The following HGSNAT variants were observed in gnomAD, a reference collection of about 807,000 sequenced individuals.
HGSNAT encodes the protein transmembrane protein 76.
HGSNAT carries 59 observed loss-of-function variants against 85.2 expected under a neutral mutation model. The observed-to-expected ratio is 0.69, with a 90% confidence interval of 0.56 to 0.86. HGSNAT has a LOEUF of 0.86. Among genes scored for constraint, HGSNAT ranks in the 40% least tolerant of loss-of-function variants. The pLI, the probability that HGSNAT is intolerant of heterozygous loss-of-function variation, is 0.00. For missense variants in HGSNAT, 756 were observed against 777.1 expected (o/e 0.97, Z 0.32); for synonymous variants, 321 against 304.5 (o/e 1.05, Z -0.56).
intron 13 of HGSNAT, among the ~76,000 whole-genome samples, chr8:43,193,240 G>A (rs1804601864): frequency 6.6e-6 from 1 of 152,212 alleles, no homozygotes; most frequent in Non-Finnish European, 1.5e-5. Context: ...GGAGGGCTCT[G>A]AGGGTGTGTG....
chr8:43,189,212 G>C (rs1387766290), intron 11 of HGSNAT, among the ~76,000 whole-genome samples: 1 of 152,226 alleles, frequency 6.6e-6, no homozygotes, highest in Non-Finnish European at 1.5e-5. Flanking sequence ...CTTTTATTCA[G>C]CTATGCCCTG....
At chr8:43,181,080 G>A (rs1436078032) in intron 10 of HGSNAT, among the ~76,000 whole-genome samples, 5 of 93,596 alleles carry the variant, frequency 5.3e-5, no homozygotes, top group African/African-American at 2.2e-4. Context: ...GAGGGAGACC[G>A]TGGAGGGAGA....
chr8:43,150,081 C>T (rs1199860629), intron 2 of HGSNAT, among the ~76,000 whole-genome samples: 9 of 152,024 alleles, frequency 5.9e-5, no homozygotes, highest in South Asian at 2.1e-4. Flanking sequence ...CTCAGCCTCC[C>T]GAGTAGTTGG....
chr8:43,146,925 T>TTA, intron 1 of HGSNAT, 23 bp from the exon 2 acceptor site: 4 of 1,301,034 alleles, frequency 3.1e-6, no homozygotes, highest in Non-Finnish European at 4.2e-6. Context: ...TTTTTTTTTT[T>TTA]AACTTTTCCT....
At position 43,158,561 on chromosome 8, in the gene HGSNAT, G is replaced by A; in HGVS notation, c.235-14G>A. On this transcript the variant is annotated splice_polypyrimidine_tract_variant and intron_variant, in intron 2 of 17. Coordinates refer to ENST00000379644, the MANE Select transcript of HGSNAT (RefSeq NM_152419.3). The stretch of plus-strand genomic sequence containing the variant: ...AAACCTCTGGCGGTTGACCTGTTGT[G>A]CTTTTATTTACAGTGCTTGTTTCAG... The A allele has an allele frequency of 6.2e-7, 1 of 1,613,796 alleles. No homozygotes were observed. Among genetic ancestry groups the A allele is most frequent in the Non-Finnish European group, 8.5e-7 (1 of 1,179,794 alleles).
chr8:43,154,795 T>A (rs916670487), intron 2 of HGSNAT, among the ~76,000 whole-genome samples: 1 of 152,238 alleles, frequency 6.6e-6, no homozygotes, highest in East Asian at 1.9e-4. Context: ...TGAACTAGTT[T>A]ACAGTCCTCC....
intron 10 of HGSNAT, chr8:43,180,777 C>T (rs1377380078): frequency 2.9e-4 from 70 of 239,720 alleles, no homozygotes; most frequent in Non-Finnish European, 4.1e-4. Context: ...GCCGAGATCA[C>T]GCCACTGCAC....
intron 2 of HGSNAT, among the ~76,000 whole-genome samples, chr8:43,150,527 G>A (rs915954782): frequency 2.0e-5 from 3 of 150,930 alleles, no homozygotes; most frequent in African/African-American, 7.3e-5. Context: ...AAAAGATATT[G>A]TGAGTATTTA....
At chr8:43,168,559 G>A (rs1832625176) in intron 5 of HGSNAT, among the ~76,000 whole-genome samples, 1 of 151,538 alleles carries the variant, frequency 6.6e-6, no homozygotes, top group South Asian at 2.1e-4. Context: ...ACCACATCTG[G>A]CTAATTTTTG....
At chr8:43,159,135 G>A (rs1803190065) in intron 4 of HGSNAT, 91 bp downstream of exon 4, 10 of 1,342,670 alleles carry the variant, frequency 7.4e-6, no homozygotes, top group South Asian at 3.1e-5. Flanking sequence ...AGTCCATGAC[G>A]CTTTCTGTAG....
At chr8:43,189,768 T>C (rs1804462939) in intron 11 of HGSNAT, among the ~76,000 whole-genome samples, 1 of 152,230 alleles carries the variant, frequency 6.6e-6, no homozygotes, top group Non-Finnish European at 1.5e-5. Flanking sequence ...GCTAATTTTT[T>C]GTATTTTTTA....
In HGSNAT at chr8:43,147,017, T is replaced by C. The variant is rs771267592; in HGVS notation, c.188T>C (p.Leu63Pro). The C allele has an allele frequency of 1.9e-6, 3 of 1,609,748 alleles. No homozygotes were observed. Among genetic ancestry groups the C allele is most frequent in the Middle Eastern group, 1.7e-4 (1 of 6,058 alleles). The change falls in exon 2 of 18, where the codon CTC becomes CCC. Residue 63 changes from leucine to proline, a missense_variant. By Grantham distance (98) the Leu-to-Pro change is moderately conservative. Coordinates refer to ENST00000379644, the MANE Select transcript of HGSNAT (RefSeq NM_152419.3). ...QALLLIHNELLWTNLTVYWKS... is the reference protein window; with the variant it reads ...QALLLIHNELPWTNLTVYWKS... ...TTGCTACTCATCCATAATGAACTTC[T>C]CTGGACCAACTTGACCGTCTACTGG...
At chr8:43,189,763 T>G (rs1465801311) in intron 11 of HGSNAT, among the ~76,000 whole-genome samples, 3 of 152,168 alleles carry the variant, frequency 2.0e-5, no homozygotes, top group Non-Finnish European at 4.4e-5. Context: ...GCCCAGCTAA[T>G]TTTTTGTATT....
At position 43,140,554 on chromosome 8, in the gene HGSNAT, G is replaced by A; in HGVS notation, c.58G>A (p.Ala20Thr). 8.4e-7 allele frequency: 1 copy of A among 1,195,362 alleles called. No individual in the cohort carries two copies. Among genetic ancestry groups the A allele is most frequent in the Non-Finnish European group, 1.0e-6 (1 of 961,082 alleles). 74.0% of individuals were successfully genotyped at this position (1,195,362 alleles called of 1,614,324 possible). Residue 20 changes from alanine (A) to threonine (T), a missense_variant, in exon 1 of 18, where the codon GCC becomes ACC. Transcript: ENST00000379644. ...GCTGCTGGCCGCGTCCGTGCTGAGCGCCGCGCTGCTGGCCCCCGGCGGCTC... is the reference window on the plus strand; with the variant it reads ...GCTGCTGGCCGCGTCCGTGCTGAGCACCGCGCTGCTGGCCCCCGGCGGCTC... ...ALLLAASVLS[A>T]ALLAPGGSSG... is the part of the protein sequence containing the mutation.
intron 1 of HGSNAT, 31 bp downstream of exon 1, chr8:43,140,645 C>G (rs1802486589): frequency 1.8e-6 from 2 of 1,095,702 alleles, no homozygotes; most frequent in Middle Eastern, 3.6e-4. Flanking sequence ...GCCGCCCGGC[C>G]GGCTACGAGC....
chr8:43,182,453 G>C (rs758300486), intron 11 of HGSNAT, 193 bp downstream of exon 11: 6 of 632,456 alleles, frequency 9.5e-6, no homozygotes, highest in South Asian at 6.7e-5. Flanking sequence ...CTGTGTTCTT[G>C]TTGTTGTTGA....
Position 43,195,006 on chromosome 8 carries a change from A to G in HGSNAT, c.1464+1163A>G, listed in dbSNP as rs1586754835. 2.0e-5 allele frequency among the ~76,000 whole-genome samples: 3 copies of G among 152,188 alleles called. No individual in the cohort carries two copies. In the East Asian group the frequency reaches 5.8e-4, roughly 29 times the overall value. On this transcript the variant is annotated intron_variant, in intron 14 of 17. Coordinates refer to ENST00000379644, the MANE Select transcript of HGSNAT (RefSeq NM_152419.3). ...TCTCCTCTGTGCTATCTAGTGGGAC[A>G]GTCCCTAGCCAGGGTCGCTGTTGAG...
chr8:43,199,429 G>A lies in HGSNAT; in HGVS notation c.1768G>A (p.Glu590Lys), dbSNP rs1163166400. The change falls in exon 18 of 18, where the codon GAG becomes AAG. Residue 590 changes from glutamate to lysine, a missense_variant. By Grantham distance (56) the Glu-to-Lys change is moderately conservative. Transcript: ENST00000379644. ...GGTATATGTCGGCCACGAGGTGTTTGAGAACTACTTCCCCTTTCAGTGGAA... is the reference window on the plus strand; with the variant it reads ...GGTATATGTCGGCCACGAGGTGTTTAAGAACTACTTCCCCTTTCAGTGGAA... ...ILVYVGHEVF[E>K]NYFPFQWKLK... The A allele has an allele frequency of 5.0e-6, 8 of 1,609,562 alleles. No homozygotes were observed. In the South Asian group the frequency reaches 8.9e-5, roughly 18 times the overall value.
At chr8:43,146,909 C>CCT in intron 1 of HGSNAT, 39 bp from the exon 2 acceptor site, 6 of 1,035,176 alleles carry the variant, frequency 5.8e-6, no homozygotes, top group Non-Finnish European at 6.9e-6. Context: ...TTTCGGGTGC[C>CCT]TTTTTTTTTT....
Sources: allele counts gnomAD v4.1 joint callset (sites outside exome capture counted in the v4.1 genomes callset), GRCh38; gene constraint gnomAD v4.1.1; transcripts MANE v1.5; gene names NCBI Gene and HGNC (gene_info 2026-07-23, HGNC 2026-07-21).